The following SOX6 variants were observed in gnomAD, a reference collection of about 807,000 sequenced individuals.
SOX6 encodes transcription factor SOX-6.
In SOX6, 11 loss-of-function variants were observed where a neutral mutation model predicts 97.8. The observed-to-expected ratio is 0.11, with a 90% CI of 0.07 to 0.19. The LOEUF is 0.19. Among genes scored for constraint, SOX6 ranks in the 10% least tolerant of loss-of-function variants. SOX6 has a pLI of 1.00. For missense variants in SOX6, 810 were observed against 1,039.5 expected (o/e 0.78, Z 3.04); for synonymous variants, 360 against 371.4 (o/e 0.97, Z 0.35).
At chr11:16,102,143 C>A (rs1848964224) in intron 7 of SOX6, among the ~76,000 whole-genome samples, 2 of 151,742 alleles carry the variant, frequency 1.3e-5, no homozygotes, top group African/African-American at 2.4e-5. Context: ...AAAGACTAAT[C>A]CAAAAAGCTC....
chr11:16,278,018 A>T (rs10832583), intron 3 of SOX6, among the ~76,000 whole-genome samples: 15,220 of 152,238 alleles, frequency 0.1, 824 homozygotes, highest in African/African-American at 0.11. Context: ...GTACTTGATA[A>T]AAGTCACAGC....
intron 13 of SOX6, among the ~76,000 whole-genome samples, chr11:16,012,704 T>TGG (rs889827891): frequency 5.9e-5 from 9 of 151,974 alleles, no homozygotes; most frequent in African/African-American, 2.2e-4. Context: ...GGCAGGCTGC[T>TGG]GGGGAGAATC....
At chr11:16,480,695 T>C (rs1164311660), upstream of SOX6, among the ~76,000 whole-genome samples, 1 of 148,436 alleles carries the variant, frequency 6.7e-6, no homozygotes, top group African/African-American at 2.4e-5. Context: ...AAAGTTCAAG[T>C]ATCAAATGGG....
At chr11:16,387,857 G>T (rs201244285) in intron 1 of SOX6, among the ~76,000 whole-genome samples, 1 of 151,970 alleles carries the variant, frequency 6.6e-6, no homozygotes, top group East Asian at 1.9e-4. Context: ...AAATACAAAA[G>T]AAATCATCCT....
At chr11:16,651,473 T>A (rs188765953) in intron 3 of SOX6, among the ~76,000 whole-genome samples, 14 of 152,156 alleles carry the variant, frequency 9.2e-5, no homozygotes, top group Admixed American at 2.6e-4. Flanking sequence ...TTTTGACAGA[T>A]GCAAGTCAAT....
At chr11:16,041,699 G>C (rs1180558531) in intron 12 of SOX6, among the ~76,000 whole-genome samples, 1 of 152,050 alleles carries the variant, frequency 6.6e-6, no homozygotes, top group Non-Finnish European at 1.5e-5. Flanking sequence ...TAAATAAGTA[G>C]GAACAAAAGC....
At chr11:16,069,659 G>C (rs1361381178) in intron 9 of SOX6, among the ~76,000 whole-genome samples, 2 of 152,056 alleles carry the variant, frequency 1.3e-5, no homozygotes, top group Non-Finnish European at 2.9e-5. Flanking sequence ...TAAAATTAAA[G>C]TTTATGCAAA....
Position 16,218,752 on chromosome 11 carries a change from G to A in SOX6, c.535+15830C>T, listed in dbSNP as rs542849185. Among the ~76,000 whole-genome samples the A allele has an allele frequency of 2.6e-5, 4 of 152,090 alleles. No homozygotes were observed. In the South Asian group the frequency reaches 6.2e-4, roughly 24 times the overall value. On this transcript the variant is annotated intron_variant, in intron 4 of 15. Transcript: ENST00000683767. ...TATTAAAACATGTATAAAAATAGTC[G>A]CACATTAACTTGAAAGAAAACTAAC...
intron 4 of SOX6, among the ~76,000 whole-genome samples, chr11:16,521,780 T>A (rs1861068990): frequency 6.6e-6 from 1 of 152,176 alleles, no homozygotes; most frequent in Middle Eastern, 3.4e-3. Context: ...AGAGAAGTGC[T>A]TAAAGGAGCT....
chr11:16,453,241 T>C (rs1859754409), intron 1 of SOX6, among the ~76,000 whole-genome samples: 1 of 152,106 alleles, frequency 6.6e-6, no homozygotes, highest in Non-Finnish European at 1.5e-5. Context: ...GTTAAGAAAC[T>C]AGGGGGAAAA....
At chr11:16,160,938 G>A (rs1030250675) in intron 6 of SOX6, among the ~76,000 whole-genome samples, 2 of 152,090 alleles carry the variant, frequency 1.3e-5, no homozygotes, top group African/African-American at 2.4e-5. Context: ...GATGATACTA[G>A]TTAAATAACA....
At chr11:16,151,931 A>G (rs1054527667) in intron 6 of SOX6, among the ~76,000 whole-genome samples, 6 of 152,182 alleles carry the variant, frequency 3.9e-5, no homozygotes, top group African/African-American at 1.4e-4. Context: ...TTTATTTTGT[A>G]TATCTGGCAA....
chr11:16,443,854 A>G (rs1013085138), intron 1 of SOX6, among the ~76,000 whole-genome samples: 1 of 152,056 alleles, frequency 6.6e-6, no homozygotes, highest in Non-Finnish European at 1.5e-5. Context: ...CTCTACTAAA[A>G]ATACAAAAAT....
chr11:16,168,996 G>A (rs947204912), intron 6 of SOX6, among the ~76,000 whole-genome samples: 7 of 152,186 alleles, frequency 4.6e-5, no homozygotes, highest in South Asian at 2.1e-4. Flanking sequence ...ATACTGTTGC[G>A]TGTCTGACTT....
intron 3 of SOX6, among the ~76,000 whole-genome samples, chr11:16,624,461 C>T (rs191137715): frequency 6.6e-6 from 1 of 152,276 alleles, no homozygotes; most frequent in Non-Finnish European, 1.5e-5. Flanking sequence ...CAGGCATGAG[C>T]CACCGTGCCC....
intron 4 of SOX6, among the ~76,000 whole-genome samples, chr11:16,521,161 A>G (rs896565546): frequency 4.6e-5 from 7 of 152,158 alleles, no homozygotes; most frequent in African/African-American, 1.7e-4. Context: ...AGATCTGAGA[A>G]TGGACAGACT....
chr11:16,345,700 C>A (rs1856758385), intron 1 of SOX6, among the ~76,000 whole-genome samples: 1 of 151,966 alleles, frequency 6.6e-6, no homozygotes, highest in Non-Finnish European at 1.5e-5. Flanking sequence ...TCTTCTATCT[C>A]AGAATATCAT....
At chr11:16,265,812 C>T (rs1240542355) in intron 3 of SOX6, among the ~76,000 whole-genome samples, 1 of 151,662 alleles carries the variant, frequency 6.6e-6, no homozygotes, top group Non-Finnish European at 1.5e-5. Context: ...AAATGAAAAA[C>T]ATACTGAATA....
At chr11:16,027,250 A>T (rs536344156) in intron 12 of SOX6, among the ~76,000 whole-genome samples, 32 of 152,348 alleles carry the variant, frequency 2.1e-4, no homozygotes, top group African/African-American at 7.7e-4. Flanking sequence ...AGAGGGAAAA[A>T]CTAAGATATA....
Sources: gnomAD v4.1 joint callset for allele counts (sites outside exome capture counted in the v4.1 genomes callset) on GRCh38, gnomAD v4.1.1 for gene constraint, MANE v1.5 for transcripts, NCBI Gene and HGNC (gene_info 2026-07-23, HGNC 2026-07-21) for gene names.